KIAA1328: variants seen among roughly 807,000 people sequenced by gnomAD.
The protein encoded by KIAA1328 is protein hinderin.
In KIAA1328, 52 loss-of-function variants were observed where a neutral mutation model predicts 68.1. That is an observed-to-expected ratio of 0.76 (90% CI 0.61 to 0.96). The LOEUF is 0.96. Among genes scored for constraint, KIAA1328 ranks in the 40% least tolerant of loss-of-function variants. The probability of loss-of-function intolerance (pLI) is 0.00; values close to 1 mark genes in which losing one functional copy is unlikely to be tolerated. For synonymous variants in KIAA1328, 232 were observed against 239.4 expected (o/e 0.97, Z 0.28); for missense variants, 641 against 677.6 (o/e 0.95, Z 0.60).
intron 7 of KIAA1328, among the ~76,000 whole-genome samples, chr18:37,145,500 G>A (rs148672803): frequency 2.8e-4 from 42 of 152,202 alleles, no homozygotes; most frequent in African/African-American, 8.9e-4. Flanking sequence ...TCTTTAGCCT[G>A]CTGAATTCAG....
chr18:37,191,709 C>T (rs1330476977), intron 9 of KIAA1328, among the ~76,000 whole-genome samples: 2 of 151,900 alleles, frequency 1.3e-5, no homozygotes, highest in African/African-American at 4.9e-5. Flanking sequence ...ATCTGATGTA[C>T]TAAGTGGAAT....
intron 6 of KIAA1328, among the ~76,000 whole-genome samples, chr18:37,065,869 T>G (rs1479056825): frequency 1.3e-5 from 2 of 152,198 alleles, no homozygotes; most frequent in Non-Finnish European, 2.9e-5. Context: ...AGCTGCTTAG[T>G]TATACTAAGT....
intron 5 of KIAA1328, among the ~76,000 whole-genome samples, chr18:36,888,872 A>C (rs952373947): frequency 6.6e-6 from 1 of 152,218 alleles, no homozygotes; most frequent in Non-Finnish European, 1.5e-5. Flanking sequence ...GAAATCAGAT[A>C]ATTTCAGATC....
chr18:37,206,973 C>T (rs1440958066), intron 9 of KIAA1328, among the ~76,000 whole-genome samples: 5 of 151,914 alleles, frequency 3.3e-5, no homozygotes, highest in Admixed American at 6.5e-5. Context: ...TTAGAAAAGA[C>T]CTGGAGAGTT....
At chr18:36,925,665 G>A (rs1427286584) in intron 5 of KIAA1328, among the ~76,000 whole-genome samples, 1 of 151,784 alleles carries the variant, frequency 6.6e-6, no homozygotes, top group Non-Finnish European at 1.5e-5. Context: ...AGCCTGCTAA[G>A]TAGCTGGGAC....
chr18:36,976,366 G>T (rs2052471414), intron 6 of KIAA1328, among the ~76,000 whole-genome samples: 1 of 152,088 alleles, frequency 6.6e-6, no homozygotes, highest in Non-Finnish European at 1.5e-5. Context: ...GAAAAAATTG[G>T]TGATATATTA....
intron 6 of KIAA1328, among the ~76,000 whole-genome samples, chr18:37,064,409 T>G (rs2056268753): frequency 6.6e-6 from 1 of 152,180 alleles, no homozygotes; most frequent in Non-Finnish European, 1.5e-5. Flanking sequence ...ATTGGTGGGA[T>G]TTTTCTCCCC....
chr18:36,975,384 G>A (rs1164255640), intron 6 of KIAA1328, among the ~76,000 whole-genome samples: 3 of 151,750 alleles, frequency 2.0e-5, no homozygotes, highest in East Asian at 1.9e-4. Flanking sequence ...GGGTTTCACC[G>A]TTTTAGCTGG....
chr18:37,225,190 G>GTC lies in KIAA1328; in HGVS notation c.*2965_*2966dup. ...GCCTGATGGGGCAGAGCTGGACGAA[G>GTC]TCTGCTAAGAGAGATGGAGGCTGTG... is the stretch of plus-strand genomic sequence containing the variant. On this transcript the variant is annotated 3_prime_UTR_variant, in exon 10 of 10. Coordinates refer to ENST00000280020, the MANE Select transcript of KIAA1328 (RefSeq NM_020776.3). The GTC allele has an allele frequency of 1.0e-6, 1 of 985,522 alleles. No individual in the cohort carries two copies. The highest frequency in any genetic ancestry group is 1.2e-6 in the Non-Finnish European group (1 of 829,974). 61.0% of individuals were successfully genotyped at this position (985,522 alleles called of 1,614,324 possible).
chr18:36,991,165 T>A (rs2053161968), intron 6 of KIAA1328, among the ~76,000 whole-genome samples: 1 of 152,210 alleles, frequency 6.6e-6, no homozygotes, highest in Non-Finnish European at 1.5e-5. Flanking sequence ...TTTACCTGTA[T>A]TTGAAAAACA....
intron 7 of KIAA1328, among the ~76,000 whole-genome samples, chr18:37,117,861 C>T (rs1028126495): frequency 4.8e-5 from 7 of 145,286 alleles, no homozygotes; most frequent in African/African-American, 1.8e-4. Context: ...GGGAAGAAAA[C>T]GGACGTAGTT....
intron 9 of KIAA1328, among the ~76,000 whole-genome samples, chr18:37,187,203 A>C (rs916674037): frequency 3.3e-5 from 5 of 151,820 alleles, no homozygotes; most frequent in Admixed American, 3.3e-4. Flanking sequence ...CTTGGAACCC[A>C]CCCCCAAATC....
Position 36,829,188 on chromosome 18 carries a change from G to T in KIAA1328, c.50G>T (p.Ser17Ile). The T allele has an allele frequency of 6.5e-7, 1 of 1,532,204 alleles. No individual in the cohort carries two copies. The highest frequency in any genetic ancestry group is 1.2e-5 in the South Asian group (1 of 82,368). The allele number at this position is 1,532,204 out of a possible 1,614,324, so 94.9% of individuals were successfully genotyped here. ...PSRPSAAAFW[S>I]RDFSDEEQSV... Reference sequence around the variant, plus strand: ...CGCCCCAGTGCCGCGGCGTTCTGGAGCCGGGACTGTATCCTTTGCCCGCCT... The same window carrying T: ...CGCCCCAGTGCCGCGGCGTTCTGGATCCGGGACTGTATCCTTTGCCCGCCT... The change falls in exon 1 of 10, where the codon AGC becomes ATC. Residue 17 changes from serine (S) to isoleucine (I), a missense_variant. Ser to Ile is a moderately radical substitution (Grantham distance 142). Transcript: ENST00000280020.
chr18:36,846,768 G>T (rs1486897604), intron 4 of KIAA1328, among the ~76,000 whole-genome samples: 1 of 151,270 alleles, frequency 6.6e-6, no homozygotes, highest in Non-Finnish European at 1.5e-5. Flanking sequence ...TTTGGATGGG[G>T]GGTGGTAAAG....
At chr18:37,084,143 G>GT in intron 7 of KIAA1328, 4 of 1,507,582 alleles carry the variant, frequency 2.7e-6, no homozygotes, top group Non-Finnish European at 3.5e-6. Flanking sequence ...CTCAGGCTCT[G>GT]TTTAAGTCGA....
chr18:37,197,442 CTGTTGCCA>C (rs2060025265), intron 9 of KIAA1328, among the ~76,000 whole-genome samples: 1 of 152,016 alleles, frequency 6.6e-6, no homozygotes, highest in Non-Finnish European at 1.5e-5. Flanking sequence ...AAATCCAATC[CTGTTGCCA>C]CTATGGCCAT....
At chr18:37,205,026 A>G (rs757740126) in intron 9 of KIAA1328, among the ~76,000 whole-genome samples, 27 of 152,294 alleles carry the variant, frequency 1.8e-4, no homozygotes, top group Admixed American at 1.6e-3. Flanking sequence ...AACAAAACCA[A>G]TAAGCCTTAA....
chr18:37,044,982 G>A (rs1172061900), intron 6 of KIAA1328, among the ~76,000 whole-genome samples: 1 of 152,102 alleles, frequency 6.6e-6, no homozygotes, highest in African/African-American at 2.4e-5. Context: ...GTTGTATCTT[G>A]TAAGTTATTG....
At chr18:37,071,778 A>G (rs145532287) in intron 7 of KIAA1328, among the ~76,000 whole-genome samples, 1 of 152,312 alleles carries the variant, frequency 6.6e-6, no homozygotes, top group Non-Finnish European at 1.5e-5. Flanking sequence ...TCTGTTAAAC[A>G]CACATAACTT....
Sources: allele counts gnomAD v4.1 joint callset (sites outside exome capture counted in the v4.1 genomes callset), GRCh38; gene constraint gnomAD v4.1.1; transcripts MANE v1.5; gene names NCBI Gene and HGNC (gene_info 2026-07-23, HGNC 2026-07-21).